Variants in LARGE1 observed in about 807,000 individuals in gnomAD.
LARGE1 encodes xylosyl- and glucuronyltransferase LARGE1.
Under a neutral mutation model 87.6 loss-of-function variants are expected in LARGE1, and 43 were observed. The ratio of observed to expected loss-of-function variants is 0.49; its 90% CI spans 0.38 to 0.63. The LOEUF (loss-of-function observed/expected upper bound fraction) is 0.63. Among genes scored for constraint, LARGE1 ranks in the 30% least tolerant of loss-of-function variants. The probability of loss-of-function intolerance (pLI) is 0.00; values close to 1 mark genes in which losing one functional copy is unlikely to be tolerated. For synonymous variants in LARGE1, 434 were observed against 394.6 expected (o/e 1.10, Z -1.18); for missense variants, 802 against 1,000.2 (o/e 0.80, Z 2.67).
At chr22:33,544,004 G>C (rs2077284568) in intron 6 of LARGE1, among the ~76,000 whole-genome samples, 2 of 152,192 alleles carry the variant, frequency 1.3e-5, no homozygotes, top group African/African-American at 4.8e-5. Flanking sequence ...GTATGTCCTA[G>C]AGAATGTCCA....
intron 9 of LARGE1, among the ~76,000 whole-genome samples, chr22:33,369,749 A>G (rs1297534065): frequency 2.6e-5 from 4 of 152,048 alleles, no homozygotes; most frequent in Non-Finnish European, 5.9e-5. Context: ...TTATATTTTT[A>G]GTAGAGACGG....
At chr22:33,862,391 A>G (rs538098575) in intron 1 of LARGE1, among the ~76,000 whole-genome samples, 2 of 152,344 alleles carry the variant, frequency 1.3e-5, no homozygotes, top group East Asian at 3.9e-4. Context: ...ATATCCGAAC[A>G]TCTTGAACAA....
At chr22:33,394,195 ATTCTT>A (rs2065637576) in intron 7 of LARGE1, among the ~76,000 whole-genome samples, 2 of 141,422 alleles carry the variant, frequency 1.4e-5, no homozygotes, top group Admixed American at 1.4e-4. Flanking sequence ...ATGACCTCTG[ATTCTT>A]TTTTTTTTTT....
At chr22:33,465,435 A>T (rs2068566151) in intron 6 of LARGE1, among the ~76,000 whole-genome samples, 2 of 152,350 alleles carry the variant, frequency 1.3e-5, no homozygotes, top group Non-Finnish European at 2.9e-5. Flanking sequence ...CTCTTTAAAC[A>T]GAATGTAAAC....
chr22:33,194,266 G>T (rs1261086350), intron 11 of LARGE1, among the ~76,000 whole-genome samples: 1 of 152,118 alleles, frequency 6.6e-6, no homozygotes, highest in African/African-American at 2.4e-5. Context: ...AATTGCAGAA[G>T]AAAGTGCTTT....
intron 2 of LARGE1, among the ~76,000 whole-genome samples, chr22:33,718,139 G>A (rs141054957): frequency 9.2e-5 from 14 of 152,158 alleles, no homozygotes; most frequent in East Asian, 5.8e-4. Context: ...CAAATATGCC[G>A]TTATTTACTG....
At chr22:33,148,830 TA>T in the LARGE1 span, among the ~76,000 whole-genome samples, 2 of 152,286 alleles carry the variant, frequency 1.3e-5, no homozygotes, top group Middle Eastern at 6.8e-3. Flanking sequence ...CTAAAAATAT[TA>T]AATTTTTTTG....
chr22:33,461,681 A>G (rs1218920234), intron 6 of LARGE1, among the ~76,000 whole-genome samples: 1 of 147,926 alleles, frequency 6.8e-6, no homozygotes, highest in African/African-American at 2.5e-5. Context: ...AAGAAAAAAA[A>G]AGAGAAATTA....
intron 11 of LARGE1, among the ~76,000 whole-genome samples, chr22:33,247,047 A>ATGTGTGTGTGTG (rs10532057): frequency 2.9e-4 from 43 of 146,280 alleles, no homozygotes; most frequent in African/African-American, 1.0e-3. Context: ...TGCAGCCAGT[A>ATGTGTGTGTGTG]TGTGTGTGTG....
At position 33,788,495 on chromosome 22, in the gene LARGE1, G is replaced by A. The variant is rs1264402520; in HGVS notation, c.-82-26937C>T. 4.6e-5 allele frequency among the ~76,000 whole-genome samples: 7 copies of A among 152,318 alleles called. No homozygotes were observed. The East Asian group carries it at 1.4e-3, about 29-fold the overall frequency. On this transcript the variant is annotated intron_variant, in intron 1 of 14. Transcript: ENST00000397394. ...TGGAACTGAGTAACAGGCAGAGGTTGGAACAGTTTGGAGGGCTCAGAAGAG... is the reference window on the plus strand; with the variant it reads ...TGGAACTGAGTAACAGGCAGAGGTTAGAACAGTTTGGAGGGCTCAGAAGAG...
At chr22:33,460,053 C>G (rs528376616) in intron 6 of LARGE1, among the ~76,000 whole-genome samples, 1 of 152,332 alleles carries the variant, frequency 6.6e-6, no homozygotes, top group Admixed American at 6.5e-5. Flanking sequence ...GGACATCCCC[C>G]TGGGGTCTTC....
At chr22:33,374,088 T>C (rs906551620) in intron 9 of LARGE1, among the ~76,000 whole-genome samples, 1 of 152,070 alleles carries the variant, frequency 6.6e-6, no homozygotes, top group East Asian at 1.9e-4. Flanking sequence ...AATTATCCCA[T>C]GTAACCAAGA....
At chr22:33,432,049 A>T in intron 7 of LARGE1, 112 bp downstream of exon 7, 1 of 823,024 alleles carries the variant, frequency 1.2e-6, no homozygotes, top group Non-Finnish European at 2.1e-6. Flanking sequence ...CACTGAATTC[A>T]AGCAATCAGG....
chr22:33,807,763 T>G (rs2086359950), intron 1 of LARGE1, among the ~76,000 whole-genome samples: 1 of 152,248 alleles, frequency 6.6e-6, no homozygotes. Context: ...GTAAGTAGCC[T>G]TTTCAAATTG....
At chr22:33,887,143 T>C (rs2064874823) in intron 1 of LARGE1, among the ~76,000 whole-genome samples, 1 of 152,188 alleles carries the variant, frequency 6.6e-6, no homozygotes, top group Non-Finnish European at 1.5e-5. Flanking sequence ...AGTTCTGCTG[T>C]GGTCTGAATA....
At chr22:33,505,770 C>T (rs2070734867) in intron 6 of LARGE1, among the ~76,000 whole-genome samples, 1 of 152,138 alleles carries the variant, frequency 6.6e-6, no homozygotes. Context: ...CCTTGTCGTG[C>T]TGCGACTGTG....
chr22:33,302,249 TG>T (rs1310086552), intron 12 of LARGE1, among the ~76,000 whole-genome samples: 1 of 152,228 alleles, frequency 6.6e-6, no homozygotes, highest in Non-Finnish European at 1.5e-5. Context: ...CAGCAGGCAC[TG>T]GCACAGGCGC....
At chr22:33,167,255 C>A (rs1053165046) in intron 11 of LARGE1, among the ~76,000 whole-genome samples, 1 of 152,108 alleles carries the variant, frequency 6.6e-6, no homozygotes, top group African/African-American at 2.4e-5. Flanking sequence ...GAACATTTTT[C>A]TCCATACTAA....
chr22:33,904,941 GA>G (rs59070931), intron 1 of LARGE1, among the ~76,000 whole-genome samples: 1 of 151,144 alleles, frequency 6.6e-6, no homozygotes, highest in Non-Finnish European at 1.5e-5. Flanking sequence ...AAATTTTATG[GA>G]AAAAAATATT....
Sources: gnomAD v4.1 joint callset for allele counts (sites outside exome capture counted in the v4.1 genomes callset) on GRCh38, gnomAD v4.1.1 for gene constraint, MANE v1.5 for transcripts, NCBI Gene and HGNC (gene_info 2026-07-23, HGNC 2026-07-21) for gene names.